The following FAXC variants were observed in gnomAD, a reference collection of about 807,000 sequenced individuals.
The protein encoded by FAXC is failed axon connections homolog, metaxin like GST domain containing, also known as failed axon connections homolog.
A neutral mutation model predicts 41.9 loss-of-function variants in FAXC; 10 were observed. The ratio of observed to expected loss-of-function variants is 0.24; its 90% CI spans 0.15 to 0.41. The LOEUF is 0.41. Among genes scored for constraint, FAXC ranks in the 10% least tolerant of loss-of-function variants. The pLI is 1.00. For missense variants in FAXC, 399 were observed against 510.9 expected, an observed-to-expected ratio of 0.78 and a Z score of 2.11; for synonymous variants, 183 against 183.8, an observed-to-expected ratio of 1.00 and a Z score of 0.03.
At chr6:99,302,840 A>G (rs1771766222) in intron 4 of FAXC, among the ~76,000 whole-genome samples, 1 of 152,068 alleles carries the variant, frequency 6.6e-6, no homozygotes, top group Non-Finnish European at 1.5e-5. Context: ...ATTAGAAGTT[A>G]AATGTCATGA....
At chr6:99,318,260 A>AAAACACACACACACACACAC (rs1294149379) in intron 4 of FAXC, among the ~76,000 whole-genome samples, 3 of 64,774 alleles carry the variant, frequency 4.6e-5, no homozygotes, top group Non-Finnish European at 9.7e-5. Context: ...CTCCGTCTCA[A>AAAACACACACACACACACAC]ACACACACAC....
At chr6:99,341,788 T>C (rs1287867288) in intron 2 of FAXC, among the ~76,000 whole-genome samples, 2 of 152,188 alleles carry the variant, frequency 1.3e-5, no homozygotes, top group Non-Finnish European at 2.9e-5. Context: ...ACAGAGAATA[T>C]GTAATTATTT....
intron 4 of FAXC, 61 bp downstream of exon 4, chr6:99,323,383 T>C: frequency 6.9e-7 from 1 of 1,440,766 alleles, no homozygotes; most frequent in Non-Finnish European, 9.6e-7. Context: ...CCAACAGTGT[T>C]TTACTAATCA....
intron 4 of FAXC, among the ~76,000 whole-genome samples, chr6:99,319,332 G>C (rs1173581784): frequency 6.6e-6 from 1 of 150,586 alleles, no homozygotes; most frequent in Non-Finnish European, 1.5e-5. Flanking sequence ...CCGCGAAGCG[G>C]AGCTTGCAGT....
At chr6:99,327,211 G>A (rs1369984675) in intron 3 of FAXC, among the ~76,000 whole-genome samples, 7 of 152,188 alleles carry the variant, frequency 4.6e-5, no homozygotes, top group African/African-American at 7.2e-5. Context: ...TTTAAGGGTT[G>A]AGGCCAGTGA....
At chr6:99,307,595 C>T (rs192931758) in intron 4 of FAXC, among the ~76,000 whole-genome samples, 1 of 152,144 alleles carries the variant, frequency 6.6e-6, no homozygotes, top group East Asian at 1.9e-4. Flanking sequence ...TGGGGTGTTG[C>T]GGGCTAAGCA....
In FAXC at chr6:99,271,443, G is replaced by T. The variant is rs1277456644; in HGVS notation, c.*9721C>A. The T allele has an allele frequency of 6.6e-6, 1 of 152,176 alleles. No individual in the cohort carries two copies. The highest frequency in any genetic ancestry group is 2.1e-4 in the South Asian group (1 of 4,820). The allele number at this position is 152,176 out of a possible 1,614,324, so 9.4% of individuals were successfully genotyped here. ...GGTCAAGAGAAATGGAGTCTAAAAA[G>T]ATGAAAACCAAACTACAGGTCGAGC... On this transcript the variant is annotated 3_prime_UTR_variant, in exon 6 of 6. Transcript: ENST00000389677.
At chr6:99,328,259 G>T (rs141567563) in intron 3 of FAXC, among the ~76,000 whole-genome samples, 1 of 152,314 alleles carries the variant, frequency 6.6e-6, no homozygotes, top group Non-Finnish European at 1.5e-5. Flanking sequence ...CCAGTGTGTT[G>T]GTATGTGGAG....
At chr6:99,286,001 C>A (rs2128447778) in intron 5 of FAXC, among the ~76,000 whole-genome samples, 1 of 152,322 alleles carries the variant, frequency 6.6e-6, no homozygotes, top group South Asian at 2.1e-4. Flanking sequence ...GAGAAGCATG[C>A]CAATGTCTCG....
At chr6:99,347,956 T>C (rs916777558) in intron 1 of FAXC, among the ~76,000 whole-genome samples, 1 of 152,200 alleles carries the variant, frequency 6.6e-6, no homozygotes, top group African/African-American at 2.4e-5. Flanking sequence ...CTAAATAATA[T>C]GAAAACCAAT....
At chr6:99,340,889 G>A (rs1234023652) in intron 2 of FAXC, among the ~76,000 whole-genome samples, 2 of 151,948 alleles carry the variant, frequency 1.3e-5, no homozygotes, top group Non-Finnish European at 2.9e-5. Context: ...GGCTGGTCTT[G>A]AACTCCTGGC....
chr6:99,325,773 G>A (rs1388413292), intron 3 of FAXC, among the ~76,000 whole-genome samples: 35 of 152,134 alleles, frequency 2.3e-4, no homozygotes, highest in Admixed American at 2.3e-3. Context: ...GAATTCAATG[G>A]TTTTAGGATA....
intron 4 of FAXC, among the ~76,000 whole-genome samples, chr6:99,297,093 T>C (rs1771528075): frequency 1.3e-5 from 2 of 152,204 alleles, no homozygotes; most frequent in Admixed American, 1.3e-4. Flanking sequence ...TTGTCATGGA[T>C]CATTGGTTAT....
rs145598791 is a variant in FAXC, at chr6:99,321,197, G to A, written c.823+2247C>T. On this transcript the variant is annotated intron_variant, in intron 4 of 5. Transcript: ENST00000389677. ...CCCATCTTCATATTCCTCAGCTCCT[G>A]GCACTTGGGAAATGTTCAAATCACT... is the stretch of plus-strand genomic sequence containing the variant. Among the ~76,000 whole-genome samples the A allele has an allele frequency of 9.2e-5, 14 of 152,300 alleles. No individual in the cohort carries two copies. The East Asian group carries it at 2.5e-3, about 27-fold the overall frequency.
At chr6:99,301,900 A>C (rs749529871) in intron 4 of FAXC, among the ~76,000 whole-genome samples, 1 of 152,216 alleles carries the variant, frequency 6.6e-6, no homozygotes, top group Non-Finnish European at 1.5e-5. Context: ...GATTGGGGCT[A>C]TGTAGGTATA....
At chr6:99,336,067 G>A (rs567255207) in intron 2 of FAXC, among the ~76,000 whole-genome samples, 40 of 151,928 alleles carry the variant, frequency 2.6e-4, no homozygotes, top group African/African-American at 9.7e-4. Flanking sequence ...AAATGTGGTC[G>A]TATAATTTTT....
At chr6:99,287,836 A>C (rs143699593) in intron 5 of FAXC, among the ~76,000 whole-genome samples, 5 of 152,300 alleles carry the variant, frequency 3.3e-5, no homozygotes, top group African/African-American at 4.8e-5. Context: ...GTTTGGCTGC[A>C]TGTTATCAGC....
intron 3 of FAXC, among the ~76,000 whole-genome samples, chr6:99,327,210 T>C (rs1024872820): frequency 6.6e-6 from 1 of 152,198 alleles, no homozygotes; most frequent in Non-Finnish European, 1.5e-5. Context: ...CTTTAAGGGT[T>C]GAGGCCAGTG....
At position 99,333,490 on chromosome 6, in the gene FAXC, G is replaced by T. The variant is rs200121919; in HGVS notation, c.460C>A (p.His154Asn). 2 of 1,614,022 alleles carry T rather than the reference G, an allele frequency of 1.2e-6. No homozygotes were observed. The highest frequency in any genetic ancestry group is 1.1e-5 in the South Asian group (1 of 91,062). The stretch of plus-strand genomic sequence containing the variant: ...AATTCTGTGCCAGAAACTTTTTCAT[G>T]ATTATATTCAATCCAAGGCATTTTC... ...QGKMPWIEYN[H>N]EKVSGTEFII... The change falls in exon 3 of 6, where the codon CAT becomes AAT. Residue 154 changes from histidine to asparagine, a missense_variant. By Grantham distance (68) the His-to-Asn change is moderately conservative. Coordinates refer to ENST00000389677, the MANE Select transcript of FAXC (RefSeq NM_032511.4).
Sources: allele counts gnomAD v4.1 joint callset (sites outside exome capture counted in the v4.1 genomes callset), GRCh38; gene constraint gnomAD v4.1.1; transcripts MANE v1.5; gene names NCBI Gene and HGNC (gene_info 2026-07-23, HGNC 2026-07-21).